SNX14: variants seen among roughly 807,000 people sequenced by gnomAD.
SNX14 encodes sorting nexin 14.
SNX14 carries 93 observed loss-of-function variants against 133.8 expected under a neutral mutation model. The observed-to-expected ratio is 0.70, with a 90% CI of 0.59 to 0.83. The LOEUF (loss-of-function observed/expected upper bound fraction) is 0.83. Ranked by LOEUF, SNX14 falls within the 40% of genes least tolerant of loss-of-function variation. The pLI, the probability that SNX14 is intolerant of heterozygous loss-of-function variation, is 0.00. For synonymous variants in SNX14, 368 were observed against 365.6 expected, an observed-to-expected ratio of 1.01 and a Z score of -0.07; for missense variants, 945 against 1,094.9, an observed-to-expected ratio of 0.86 and a Z score of 1.93.
chr6:85,529,393 A>C (rs928715155), intron 19 of SNX14, among the ~76,000 whole-genome samples: 15 of 151,972 alleles, frequency 9.9e-5, no homozygotes, highest in African/African-American at 3.6e-4. Context: ...GGAAGGAAAC[A>C]AGGGAAGGAA....
In SNX14 at chr6:85,574,315, T is replaced by A. The variant is rs757425175; in HGVS notation, c.204A>T (p.Ser68=). 4 of 1,594,564 alleles carry A rather than the reference T, an allele frequency of 2.5e-6. No homozygotes were observed. Among genetic ancestry groups the A allele is most frequent in the Non-Finnish European group, 3.4e-6 (4 of 1,164,542 alleles). The change falls in exon 2 of 29, where the codon TCA becomes TCT. Residue 68 remains serine, a synonymous_variant. Transcript: ENST00000314673. ...TTGGTAAGAGAGAATCAGGTCCTAG[T>A]GAGCAGTAGAATGTGACAACTCCAG... ...FVAGVVTFYC[S]LGPDSLLPNI...
chr6:85,512,613 C>A (rs562461296), intron 26 of SNX14, among the ~76,000 whole-genome samples: 1 of 115,556 alleles, frequency 8.7e-6, no homozygotes, highest in South Asian at 3.6e-4. Flanking sequence ...CACAGTGGGG[C>A]TCTGTCTCAA....
chr6:85,560,568 G>A (rs1348740490), intron 6 of SNX14, among the ~76,000 whole-genome samples: 1 of 152,136 alleles, frequency 6.6e-6, no homozygotes, highest in Non-Finnish European at 1.5e-5. Flanking sequence ...CTATGGGGAT[G>A]GTTGTACAAC....
chr6:85,586,140 C>T (rs2842608), intron 1 of SNX14, among the ~76,000 whole-genome samples: 43 of 151,940 alleles, frequency 2.8e-4, no homozygotes, highest in Non-Finnish European at 5.1e-4. Flanking sequence ...GTTTCCTCAA[C>T]AAGTCAATGG....
At chr6:85,540,855 C>T (rs1301650496) in intron 15 of SNX14, among the ~76,000 whole-genome samples, 1 of 152,010 alleles carries the variant, frequency 6.6e-6, no homozygotes, top group Non-Finnish European at 1.5e-5. Context: ...TTATTAGATA[C>T]TTGCTCAAAT....
rs148021062 is a variant in SNX14, at chr6:85,555,646, T to C, written c.634+2330A>G. Reference sequence around the variant, plus strand: ...TTCAGTATGCTACTGTAATGATGAATACATGATTATACATTTGTCAAAATC... The same window carrying C: ...TTCAGTATGCTACTGTAATGATGAACACATGATTATACATTTGTCAAAATC... On this transcript the variant is annotated intron_variant, in intron 7 of 28. Coordinates refer to ENST00000314673, the MANE Select transcript of SNX14 (RefSeq NM_153816.6). 1.8e-3 allele frequency among the ~76,000 whole-genome samples: 272 copies of C among 152,306 alleles called. 4 individuals are homozygous for C. The highest frequency in any genetic ancestry group is 6.4e-3 in the African/African-American group (266 of 41,568).
chr6:85,538,231 A>C (rs1782546312), intron 16 of SNX14, among the ~76,000 whole-genome samples: 1 of 152,202 alleles, frequency 6.6e-6, no homozygotes, highest in African/African-American at 2.4e-5. Context: ...AGGGGTACTT[A>C]AACTAGATTA....
chr6:85,572,665 G>A (rs1473792480), intron 2 of SNX14, among the ~76,000 whole-genome samples: 2 of 152,200 alleles, frequency 1.3e-5, no homozygotes, highest in Admixed American at 1.3e-4. Flanking sequence ...ATATTTGAAA[G>A]TGATAATTTG....
chr6:85,518,595 C>A (rs1775838260), intron 21 of SNX14, among the ~76,000 whole-genome samples: 1 of 152,172 alleles, frequency 6.6e-6, no homozygotes, highest in East Asian at 1.9e-4. Flanking sequence ...CATCAAACAT[C>A]TTGAGATTTT....
chr6:85,566,133 A>G (rs1793749779), intron 5 of SNX14, among the ~76,000 whole-genome samples: 1 of 152,232 alleles, frequency 6.6e-6, no homozygotes, highest in Non-Finnish European at 1.5e-5. Context: ...ACAACTGAGA[A>G]GAAAGTATAC....
intron 6 of SNX14, among the ~76,000 whole-genome samples, chr6:85,564,004 G>C (rs956930812): frequency 1.3e-5 from 2 of 151,940 alleles, no homozygotes; most frequent in African/African-American, 4.8e-5. Flanking sequence ...TCCCACCTAT[G>C]AGTAAGAACA....
intron 18 of SNX14, among the ~76,000 whole-genome samples, chr6:85,532,936 G>A (rs1330605855): frequency 6.6e-6 from 1 of 152,012 alleles, no homozygotes; most frequent in Non-Finnish European, 1.5e-5. Flanking sequence ...TCCCAGGCTG[G>A]AGTGCAGTCA....
intron 1 of SNX14, chr6:85,589,749 C>T (rs1164439193): frequency 2.6e-5 from 4 of 152,242 alleles, no homozygotes; most frequent in Non-Finnish European, 5.9e-5. Flanking sequence ...AACACCTGGG[C>T]ATAGTTTCTC....
At chr6:85,570,628 G>A (rs1795224533) in intron 4 of SNX14, among the ~76,000 whole-genome samples, 1 of 152,152 alleles carries the variant, frequency 6.6e-6, no homozygotes, top group Non-Finnish European at 1.5e-5. Context: ...GTCGAGGCAG[G>A]TGGATCACAA....
At chr6:85,576,065 A>T (rs1797232093) in intron 1 of SNX14, among the ~76,000 whole-genome samples, 1 of 152,168 alleles carries the variant, frequency 6.6e-6, no homozygotes, top group African/African-American at 2.4e-5. Context: ...TGACAATGAG[A>T]GTTTTCAATG....
At chr6:85,587,016 A>G (rs1295768452) in intron 1 of SNX14, among the ~76,000 whole-genome samples, 1 of 152,120 alleles carries the variant, frequency 6.6e-6, no homozygotes, top group Non-Finnish European at 1.5e-5. Context: ...ACTGCACTCC[A>G]GCCTAGGTGA....
chr6:85,560,750 T>C lies in SNX14; in HGVS notation c.550-2690A>G, dbSNP rs1048718272. On this transcript the variant is annotated intron_variant, in intron 6 of 28. Coordinates refer to ENST00000314673, the MANE Select transcript of SNX14 (RefSeq NM_153816.6). ...CACTAAGCTAATCCAAAGCCTAACA[T>C]AGGCCTGGCACAGTGGCTCACACCT... Among the ~76,000 whole-genome samples, 5 of 152,092 alleles carry C rather than the reference T, an allele frequency of 3.3e-5. No homozygotes were observed. The East Asian group carries it at 5.8e-4, about 18-fold the overall frequency.
At chr6:85,564,535 T>C (rs1210823892) in intron 6 of SNX14, among the ~76,000 whole-genome samples, 3 of 152,216 alleles carry the variant, frequency 2.0e-5, no homozygotes, top group African/African-American at 7.2e-5. Context: ...CATGACTTTT[T>C]TCTATAGCTG....
At chr6:85,544,376 C>T (rs1784828383) in intron 12 of SNX14, among the ~76,000 whole-genome samples, 1 of 151,036 alleles carries the variant, frequency 6.6e-6, no homozygotes. Flanking sequence ...AGCTGGAATA[C>T]AGGATATAAG....
Sources: gnomAD v4.1 joint callset for allele counts (sites outside exome capture counted in the v4.1 genomes callset) on GRCh38, gnomAD v4.1.1 for gene constraint, MANE v1.5 for transcripts, NCBI Gene and HGNC (gene_info 2026-07-23, HGNC 2026-07-21) for gene names.